PCDH15: variants seen among roughly 807,000 people sequenced by gnomAD.
The protein encoded by PCDH15 is protocadherin-15.
In PCDH15, 129 loss-of-function variants were observed where a neutral mutation model predicts 178.5. That is an observed-to-expected ratio of 0.72 (90% CI 0.63 to 0.84). The LOEUF is 0.84. Among genes scored for constraint, PCDH15 ranks in the 40% least tolerant of loss-of-function variants. The probability of loss-of-function intolerance (pLI) is 0.00; values close to 1 mark genes in which losing one functional copy is unlikely to be tolerated. For missense variants in PCDH15, 2,230 were observed against 2,099.9 expected (o/e 1.06, Z -1.21); for synonymous variants, 800 against 732.0 (o/e 1.09, Z -1.50).
intron 2 of PCDH15, among the ~76,000 whole-genome samples, chr10:55,332,252 T>C (rs113311663): frequency 0.066 from 10,086 of 152,228 alleles, 475 homozygotes; most frequent in Non-Finnish European, 0.099. Context: ...ACTTTTGCTG[T>C]TCATTAAATA....
intron 14 of PCDH15, among the ~76,000 whole-genome samples, chr10:54,144,633 A>G (rs75813565): frequency 0.017 from 2,612 of 152,294 alleles, 68 homozygotes; most frequent in African/African-American, 0.058. Flanking sequence ...GCAGCACCCA[A>G]TTAAAGCCTT....
intron 21 of PCDH15, among the ~76,000 whole-genome samples, chr10:53,984,020 C>T (rs190902745): frequency 3.0e-4 from 46 of 151,986 alleles, no homozygotes; most frequent in Non-Finnish European, 4.6e-4. Context: ...ACCTTCAGAC[C>T]TCCGCTCAGA....
intron 2 of PCDH15, among the ~76,000 whole-genome samples, chr10:55,605,180 C>G (rs1032802892): frequency 1.3e-4 from 19 of 151,600 alleles, no homozygotes; most frequent in Non-Finnish European, 2.4e-4. Context: ...CATACACTCT[C>G]CCAAGACTAA....
At chr10:54,639,713 A>G (rs1002226311) in intron 2 of PCDH15, among the ~76,000 whole-genome samples, 1 of 152,132 alleles carries the variant, frequency 6.6e-6, no homozygotes, top group African/African-American at 2.4e-5. Flanking sequence ...ATATACTGTA[A>G]AATCCGCAAA....
At chr10:54,335,560 T>A (rs1245601613) in intron 6 of PCDH15, among the ~76,000 whole-genome samples, 1 of 152,140 alleles carries the variant, frequency 6.6e-6, no homozygotes, top group Non-Finnish European at 1.5e-5. Flanking sequence ...AGTGAATAAG[T>A]CTCATGAGAT....
Position 54,290,181 on chromosome 10 carries a change from A to G in PCDH15, c.876+27090T>C, listed in dbSNP as rs538436791. 1.2e-4 allele frequency among the ~76,000 whole-genome samples: 19 copies of G among 152,372 alleles called. No individual in the cohort carries two copies. The East Asian group carries it at 3.5e-3, about 28-fold the overall frequency. ...TTACCCACAAAGGGAAGCCAATCAG[A>G]CTAACAGTGGGTCTCTCAGCAGAAA... On this transcript the variant is annotated intron_variant, in intron 8 of 37. Transcript: ENST00000644397.
chr10:54,295,971 C>G (rs1329523504), intron 8 of PCDH15, among the ~76,000 whole-genome samples: 2 of 150,206 alleles, frequency 1.3e-5, no homozygotes, highest in African/African-American at 2.5e-5. Flanking sequence ...GGTGAAACCC[C>G]GTCTCTACTA....
At chr10:54,324,720 A>G (rs1436134057) in intron 7 of PCDH15, among the ~76,000 whole-genome samples, 1 of 152,022 alleles carries the variant, frequency 6.6e-6, no homozygotes, top group Non-Finnish European at 1.5e-5. Flanking sequence ...AACCGAGATC[A>G]CCCCCCTGCA....
chr10:55,065,776 T>C (rs1400377342), intron 2 of PCDH15, among the ~76,000 whole-genome samples: 1 of 152,102 alleles, frequency 6.6e-6, no homozygotes, highest in East Asian at 1.9e-4. Context: ...CTATGCTGTT[T>C]GTTTAGTTTT....
rs552390158 is a variant in PCDH15 at position 55,523,470 on chromosome 10, G to A, written c.-156+104155C>T. On this transcript the variant is annotated intron_variant, in intron 2 of 5. Coordinates refer to the PCDH15 transcript ENST00000613346. ...ATTCTTAAATCAAGTAAATTAACACGTCCATCACCTTGCTTACCTATCGTT... is the reference window on the plus strand; with the variant it reads ...ATTCTTAAATCAAGTAAATTAACACATCCATCACCTTGCTTACCTATCGTT... Among the ~76,000 whole-genome samples, 186 of 151,510 alleles carry A rather than the reference G, an allele frequency of 1.2e-3. 1 individual carries two copies. The highest frequency in any genetic ancestry group is 4.2e-3 in the African/African-American group (172 of 41,358).
rs932917933 is a variant in PCDH15 at position 54,923,414 on chromosome 10, G to A, written c.-79-25914C>T. 8.7e-5 allele frequency among the ~76,000 whole-genome samples: 12 copies of A among 138,650 alleles called. 1 individual carries two copies. Among genetic ancestry groups the A allele is most frequent in the African/African-American group, 2.7e-4 (11 of 40,070 alleles). The allele number at this position is 138,650 out of a possible 152,430, so 91.0% of individuals were successfully genotyped here. A position where few individuals can be genotyped will look rare whatever the true frequency, so the allele number is the denominator to read the frequency against. On this transcript the variant is annotated intron_variant, in intron 2 of 5. Transcript: ENST00000458638. Reference sequence around the variant, plus strand: ...TTTGTTTATGCAAATTTATGCAGCAGGCTTGAATTTCTCTCCAGTAAATGG... The same window carrying A: ...TTTGTTTATGCAAATTTATGCAGCAAGCTTGAATTTCTCTCCAGTAAATGG...
chr10:54,113,796 T>C (rs1236640046), intron 15 of PCDH15, among the ~76,000 whole-genome samples: 3 of 152,128 alleles, frequency 2.0e-5, no homozygotes, highest in Non-Finnish European at 4.4e-5. Context: ...TTTGTATTAG[T>C]TTTTTTCACA....
intron 2 of PCDH15, among the ~76,000 whole-genome samples, chr10:55,338,802 A>G (rs886793648): frequency 6.6e-6 from 1 of 152,128 alleles, no homozygotes; most frequent in African/African-American, 2.4e-5. Flanking sequence ...CAAAAAAACA[A>G]ACAAACAAAA....
At chr10:54,297,617 TAAGAA>T (rs1480493333) in intron 8 of PCDH15, among the ~76,000 whole-genome samples, 1 of 152,000 alleles carries the variant, frequency 6.6e-6, no homozygotes, top group Non-Finnish European at 1.5e-5. Flanking sequence ...CAGAGGGAAA[TAAGAA>T]AAGAAATATC....
chr10:53,924,003 G>C (rs1451177519), intron 25 of PCDH15, among the ~76,000 whole-genome samples: 4 of 152,192 alleles, frequency 2.6e-5, no homozygotes, highest in Admixed American at 2.6e-4. Context: ...GTCATTGTGA[G>C]AGGTTACAGC....
intron 3 of PCDH15, among the ~76,000 whole-genome samples, chr10:54,396,356 G>A (rs111389358): frequency 0.026 from 4,022 of 152,174 alleles, 168 homozygotes; most frequent in African/African-American, 0.09. Context: ...CCTCCTTGGC[G>A]GCTACTCATT....
At chr10:55,542,595 G>A (rs544705668) in intron 2 of PCDH15, among the ~76,000 whole-genome samples, 2 of 145,570 alleles carry the variant, frequency 1.4e-5, no homozygotes, top group African/African-American at 5.0e-5. Context: ...GTCTATATAG[G>A]TACATACAGA....
At chr10:54,117,831 G>A (rs1442768657) in intron 15 of PCDH15, among the ~76,000 whole-genome samples, 1 of 152,082 alleles carries the variant, frequency 6.6e-6, no homozygotes, top group Non-Finnish European at 1.5e-5. Flanking sequence ...CAGGCAAGTT[G>A]TTATGTCATT....
At position 55,002,558 on chromosome 10, in the gene PCDH15, A is replaced by G. The variant is rs1236510196; in HGVS notation, c.-79-105058T>C. 5.3e-5 allele frequency among the ~76,000 whole-genome samples: 8 copies of G among 152,290 alleles called. 1 individual carries two copies. The highest frequency in any genetic ancestry group is 5.2e-4 in the Admixed American group (8 of 15,292). ...AGTGTTTTAATTTCTGACATGTTAG[A>G]GAGAATGATAGGACTTTCTTCAGTA... On this transcript the variant is annotated intron_variant, in intron 2 of 5. Transcript: ENST00000458638.
Sources: gnomAD v4.1 joint callset for allele counts (sites outside exome capture counted in the v4.1 genomes callset) on GRCh38, gnomAD v4.1.1 for gene constraint, MANE v1.5 for transcripts, NCBI Gene and HGNC (gene_info 2026-07-23, HGNC 2026-07-21) for gene names.